Variants in CAMTA1 observed in about 807,000 individuals in gnomAD.
The protein encoded by CAMTA1 is calmodulin binding transcription activator 1.
A neutral mutation model predicts 170.9 loss-of-function variants in CAMTA1; 27 were observed. The observed-to-expected ratio is 0.16, with a 90% CI of 0.12 to 0.22. The LOEUF (loss-of-function observed/expected upper bound fraction) is 0.22. Among genes scored for constraint, CAMTA1 ranks in the 10% least tolerant of loss-of-function variants. The pLI is 1.00. For synonymous variants in CAMTA1, 833 were observed against 891.5 expected, an observed-to-expected ratio of 0.93 and a Z score of 1.17; for missense variants, 1,619 against 2,217.2, an observed-to-expected ratio of 0.73 and a Z score of 5.42.
At position 7,665,216 on chromosome 1, in the gene CAMTA1, G is replaced by C. The variant is rs764965400; in HGVS notation, c.2652+17G>C. On this transcript the variant is annotated intron_variant, in intron 9 of 22. Coordinates refer to ENST00000303635, the MANE Select transcript of CAMTA1 (RefSeq NM_015215.4). This position sits in a 1 kb window ranked among gnomAD's most constrained non-coding sequence, Gnocchi z 4.3. The stretch of plus-strand genomic sequence containing the variant: ...TACCCAGAGGTAAGCTGCCGCCGCT[G>C]CCACCACCTGTCACCTCCCCTCCCA... 12 of 1,431,462 alleles carry C rather than the reference G, an allele frequency of 8.4e-6. No homozygotes were observed. The highest frequency in any genetic ancestry group is 2.6e-5 in the Admixed American group (1 of 38,670). The allele number at this position is 1,431,462 out of a possible 1,614,324, so 88.7% of individuals were successfully genotyped here.
At chr1:6,997,004 C>T (rs190060178) in intron 3 of CAMTA1, among the ~76,000 whole-genome samples, 22 of 152,230 alleles carry the variant, frequency 1.4e-4, no homozygotes, top group East Asian at 7.7e-4. Flanking sequence ...GATGTCTTTT[C>T]GCTTCCAGAT....
intron 11 of CAMTA1, among the ~76,000 whole-genome samples, chr1:7,715,401 A>G (rs1013482000): frequency 4.0e-5 from 6 of 151,112 alleles, no homozygotes; most frequent in African/African-American, 1.5e-4. Context: ...CTGAAACTGG[A>G]TGAAGTCAAG....
rs146991105 is a variant in CAMTA1 at position 7,587,133 on chromosome 1, T to C, written c.511-53267T>C. Among the ~76,000 whole-genome samples, 925 of 151,380 alleles carry C rather than the reference T, an allele frequency of 6.1e-3. 23 individuals are homozygous for C. The highest frequency in any genetic ancestry group is 0.021 in the African/African-American group (863 of 41,134). ...TGTCTGCACGCCTTCCCTTCCCCAC[T>C]CCCATCCCAGACCAGGTGAGAGGGA... On this transcript the variant is annotated intron_variant, in intron 6 of 22. Coordinates refer to ENST00000303635, the MANE Select transcript of CAMTA1 (RefSeq NM_015215.4).
At chr1:7,287,530 G>A (rs1190833136) in intron 5 of CAMTA1, among the ~76,000 whole-genome samples, 1 of 151,484 alleles carries the variant, frequency 6.6e-6, no homozygotes. Context: ...CGTTGTATTG[G>A]TCAGGCTAGG....
intron 11 of CAMTA1, among the ~76,000 whole-genome samples, chr1:7,715,263 G>A (rs1360104992): frequency 6.6e-6 from 1 of 152,094 alleles, no homozygotes. Context: ...TTAGGGATTC[G>A]AGAGAGAGGA....
intron 5 of CAMTA1, among the ~76,000 whole-genome samples, chr1:7,375,423 C>G (rs1205141999): frequency 6.6e-6 from 1 of 152,204 alleles, no homozygotes; most frequent in Non-Finnish European, 1.5e-5. Flanking sequence ...GAGCAAAATC[C>G]TGTTTCAAAG....
At position 7,248,617 on chromosome 1, in the gene CAMTA1, T is replaced by G. The variant is rs1666189637; in HGVS notation, c.303-874T>G. Among the ~76,000 whole-genome samples, 1 of 152,184 alleles carries G rather than the reference T, an allele frequency of 6.6e-6. No individual in the cohort carries two copies. The highest frequency in any genetic ancestry group is 1.5e-5 in the Non-Finnish European group (1 of 68,036). On this transcript the variant is annotated intron_variant, in intron 4 of 22. Coordinates refer to ENST00000303635, the MANE Select transcript of CAMTA1 (RefSeq NM_015215.4). This position sits in a 1 kb window ranked among gnomAD's most constrained non-coding sequence, Gnocchi z 4.0. Reference sequence around the variant, plus strand: ...CTTGCCCTCAGCTGCTAGAGGGGTTTAGTTCTTTCTCTCCTTGGGGTTTCC... The same window carrying G: ...CTTGCCCTCAGCTGCTAGAGGGGTTGAGTTCTTTCTCTCCTTGGGGTTTCC...
intron 7 of CAMTA1, among the ~76,000 whole-genome samples, chr1:7,653,973 A>G (rs1385861431): frequency 6.6e-6 from 1 of 152,142 alleles, no homozygotes; most frequent in Non-Finnish European, 1.5e-5. Context: ...CCCTTAGGAC[A>G]CAGGTGCTGG....
chr1:7,122,403 T>G (rs1644696683), intron 4 of CAMTA1, among the ~76,000 whole-genome samples: 2 of 150,490 alleles, frequency 1.3e-5, no homozygotes, highest in African/African-American at 4.9e-5. Flanking sequence ...ATGTAAGGAG[T>G]GTGCATATTC....
chr1:6,861,615 G>A (rs78092896), intron 3 of CAMTA1, among the ~76,000 whole-genome samples: 2,223 of 152,238 alleles, frequency 0.015, 50 homozygotes, highest in African/African-American at 0.051. Flanking sequence ...AAGTGTTTAG[G>A]AAGTGCTGCT....
chr1:7,531,940 T>C (rs1327488169), intron 6 of CAMTA1, among the ~76,000 whole-genome samples: 4 of 152,044 alleles, frequency 2.6e-5, no homozygotes, highest in Admixed American at 1.3e-4. Context: ...CAGATAGTAA[T>C]TTTTTTCTAA....
chr1:6,835,470 C>T (rs117252148), intron 3 of CAMTA1, among the ~76,000 whole-genome samples: 1 of 152,172 alleles, frequency 6.6e-6, no homozygotes, highest in Non-Finnish European at 1.5e-5. Context: ...CATTCTTTAG[C>T]TGAGTGGATT....
intron 6 of CAMTA1, among the ~76,000 whole-genome samples, chr1:7,496,236 A>T (rs1368595816): frequency 6.6e-6 from 1 of 152,078 alleles, no homozygotes; most frequent in Admixed American, 6.5e-5. Flanking sequence ...GTGCGGGAGG[A>T]GGTGCTGGAG....
chr1:7,375,492 G>A (rs2086777157), intron 5 of CAMTA1, among the ~76,000 whole-genome samples: 1 of 152,320 alleles, frequency 6.6e-6, no homozygotes, highest in Non-Finnish European at 1.5e-5. Context: ...CTGGGGGACT[G>A]AGGCGGACGC....
intron 6 of CAMTA1, among the ~76,000 whole-genome samples, chr1:7,493,649 G>A (rs962577633): frequency 1.4e-4 from 3 of 22,054 alleles, no homozygotes; most frequent in South Asian, 2.5e-3. Context: ...GAACTGGGGG[G>A]GGGGGGGGGT....
In CAMTA1 at chr1:7,333,784, G is replaced by A. The variant is rs939991359; in HGVS notation, c.438+84158G>A. On this transcript the variant is annotated intron_variant, in intron 5 of 22. Transcript: ENST00000303635. The surrounding 1 kb of genome is among the most constrained non-coding windows in gnomAD (Gnocchi z 4.4). The stretch of plus-strand genomic sequence containing the variant: ...AAATCAACTTTAGATTTGCTTTGCC[G>A]TTTGCAGTCTCTTGAATAAAGCATT... Among the ~76,000 whole-genome samples, 3 of 152,224 alleles carry A rather than the reference G, an allele frequency of 2.0e-5. No homozygotes were observed. Among genetic ancestry groups the A allele is most frequent in the Non-Finnish European group, 2.9e-5 (2 of 68,042 alleles).
chr1:6,892,393 A>G (rs1674694747), intron 3 of CAMTA1, among the ~76,000 whole-genome samples: 1 of 152,158 alleles, frequency 6.6e-6, no homozygotes, highest in East Asian at 1.9e-4. Context: ...TGGGTTACAT[A>G]TTGTGCTAGA....
chr1:6,827,167 T>G (rs941671306), intron 3 of CAMTA1, among the ~76,000 whole-genome samples: 1 of 152,214 alleles, frequency 6.6e-6, no homozygotes, highest in Non-Finnish European at 1.5e-5. Flanking sequence ...TAATGCAAAT[T>G]TGAGGATCTA....
intron 5 of CAMTA1, among the ~76,000 whole-genome samples, chr1:7,360,073 T>G (rs1284119366): frequency 1.3e-5 from 2 of 152,170 alleles, no homozygotes; most frequent in Non-Finnish European, 2.9e-5. Flanking sequence ...GCCTTCATCT[T>G]CACGTGGCAT....
Sources: allele counts gnomAD v4.1 joint callset (sites outside exome capture counted in the v4.1 genomes callset), GRCh38; gene constraint gnomAD v4.1.1; non-coding constraint Gnocchi (gnomAD v3.1); transcripts MANE v1.5; gene names NCBI Gene and HGNC (gene_info 2026-07-23, HGNC 2026-07-21).